MYOM1: variants seen among roughly 807,000 people sequenced by gnomAD.
MYOM1 encodes the protein myomesin 1, also known as myomesin-1.
MYOM1 carries 164 observed loss-of-function variants against 205.3 expected under a neutral mutation model. That is an observed-to-expected ratio of 0.80 (90% confidence interval 0.70 to 0.91). The LOEUF is 0.91. MYOM1 is among the 40% of genes least tolerant of loss of function. The probability of loss-of-function intolerance (pLI) is 0.00; values close to 1 mark genes in which losing one functional copy is unlikely to be tolerated. For synonymous variants in MYOM1, 772 were observed against 789.4 expected, an observed-to-expected ratio of 0.98 and a Z score of 0.37; for missense variants, 2,011 against 2,127.3, an observed-to-expected ratio of 0.95 and a Z score of 1.08.
At chr18:3,177,908 C>T (rs2080671123) in intron 5 of MYOM1, among the ~76,000 whole-genome samples, 2 of 152,118 alleles carry the variant, frequency 1.3e-5, no homozygotes, top group African/African-American at 4.8e-5. Context: ...AGCTGAAAGC[C>T]TCCCTTTTTC....
Position 3,089,451 on chromosome 18 carries a change from T to C in MYOM1, c.4069+86A>G, listed in dbSNP as rs903660694. 3.0e-6 allele frequency: 3 copies of C among 1,016,238 alleles called. No homozygotes were observed. The African/African-American group carries it at 4.9e-5, about 17-fold the overall frequency. The allele number at this position is 1,016,238 out of a possible 1,614,324, so 63.0% of individuals were successfully genotyped here. On this transcript the variant is annotated intron_variant, in intron 28 of 37. Coordinates refer to ENST00000356443, the MANE Select transcript of MYOM1 (RefSeq NM_003803.4). Reference sequence around the variant, plus strand: ...GCATTATTAACATAATCAATAATATTCATTTTAATTTGTTATGGAAATAAC... The same window carrying C: ...GCATTATTAACATAATCAATAATATCCATTTTAATTTGTTATGGAAATAAC...
chr18:3,085,113 C>T lies in MYOM1; in HGVS notation c.4271G>A (p.Gly1424Glu), dbSNP rs752659443. The T allele has an allele frequency of 6.2e-6, 10 of 1,608,052 alleles. No homozygotes were observed. In the East Asian group the frequency reaches 2.0e-4, roughly 32 times the overall value. Residue 1424 changes from glycine to glutamate, a missense_variant, in exon 31 of 38, where the codon GGG (glycine) becomes GAG (glutamate). By Grantham distance (98) the Gly-to-Glu change is moderately conservative. Transcript: ENST00000356443. ...LITEFSKKDA[G>E]IYEVILKDDR... ...ATCTTTCAGGATAACTTCATAAATC[C>T]CAGCATCTTTCTTGGAAAACTAAGG...
At chr18:3,198,994 T>C (rs2081030179) in intron 2 of MYOM1, among the ~76,000 whole-genome samples, 1 of 151,966 alleles carries the variant, frequency 6.6e-6, no homozygotes, top group Non-Finnish European at 1.5e-5. Flanking sequence ...AAATAACCAA[T>C]CAGGGCTCTG....
At chr18:3,068,710 C>T (rs914116925) in intron 37 of MYOM1, among the ~76,000 whole-genome samples, 8 of 152,234 alleles carry the variant, frequency 5.3e-5, no homozygotes, top group Non-Finnish European at 1.2e-4. Context: ...CTGCATGTAT[C>T]GATAGTTTAT....
intron 8 of MYOM1, among the ~76,000 whole-genome samples, chr18:3,172,769 G>A (rs12970229): frequency 0.087 from 13,170 of 152,076 alleles, 698 homozygotes; most frequent in African/African-American, 0.15. Flanking sequence ...CCTCCGCCTC[G>A]CAAAGTGTTG....
chr18:3,212,758 A>G (rs1369481304), intron 2 of MYOM1, among the ~76,000 whole-genome samples: 4 of 152,254 alleles, frequency 2.6e-5, no homozygotes, highest in African/African-American at 7.2e-5. Context: ...GTTCTTAAGC[A>G]TATCTGCAGA....
At chr18:3,221,736 A>G (rs1300354612), upstream of MYOM1, among the ~76,000 whole-genome samples, 1 of 152,224 alleles carries the variant, frequency 6.6e-6, no homozygotes, top group African/African-American at 2.4e-5. Flanking sequence ...TATGTAAAAG[A>G]ATCTGTTCCA....
rs987237332 is a variant in MYOM1, at chr18:3,067,543, T to C, written c.4777A>G (p.Thr1593Ala). The C allele has an allele frequency of 1.2e-6, 2 of 1,612,990 alleles. No individual in the cohort carries two copies. Among genetic ancestry groups the C allele is most frequent in the African/African-American group, 2.7e-5 (2 of 74,860 alleles). Residue 1593 changes from threonine to alanine, a missense_variant, in exon 38 of 38, where the codon ACT becomes GCT. Coordinates refer to ENST00000356443, the MANE Select transcript of MYOM1 (RefSeq NM_003803.4). ...TIQEGKALNL[T>A]CNVWGDPPPE... ...GGCGGGTCTCCCCACACGTTGCAAGTGAGATTAAGGGCCTGCAAGACAGGT... is the reference window on the plus strand; with the variant it reads ...GGCGGGTCTCCCCACACGTTGCAAGCGAGATTAAGGGCCTGCAAGACAGGT...
At chr18:3,124,832 CA>C (rs1433227684) in intron 19 of MYOM1, among the ~76,000 whole-genome samples, 1 of 152,012 alleles carries the variant, frequency 6.6e-6, no homozygotes. Flanking sequence ...CACAAAGGCA[CA>C]AAAATCACTA....
intron 2 of MYOM1, among the ~76,000 whole-genome samples, chr18:3,198,356 CT>C (rs1363313728): frequency 6.6e-6 from 1 of 152,176 alleles, no homozygotes; most frequent in African/African-American, 2.4e-5. Flanking sequence ...CAGGGTTAGG[CT>C]GCATTATTGG....
At chr18:3,131,926 T>G (rs139744167) in intron 16 of MYOM1, among the ~76,000 whole-genome samples, 139 of 151,430 alleles carry the variant, frequency 9.2e-4, no homozygotes, top group African/African-American at 3.2e-3. Flanking sequence ...ATAATTTTCA[T>G]GTAGAGGTTA....
intron 21 of MYOM1, among the ~76,000 whole-genome samples, chr18:3,115,699 C>A (rs2079594628): frequency 6.6e-6 from 1 of 152,180 alleles, no homozygotes; most frequent in Non-Finnish European, 1.5e-5. Flanking sequence ...TCGAAATTTC[C>A]TTTTGCTACA....
chr18:3,079,769 A>G (rs2079063369), intron 33 of MYOM1, among the ~76,000 whole-genome samples: 1 of 152,212 alleles, frequency 6.6e-6, no homozygotes, highest in South Asian at 2.1e-4. Flanking sequence ...GTCCAAAAAC[A>G]CACTTATGGA....
intron 2 of MYOM1, among the ~76,000 whole-genome samples, chr18:3,199,721 T>A (rs570166215): frequency 6.6e-6 from 1 of 152,212 alleles, no homozygotes; most frequent in Admixed American, 6.5e-5. Flanking sequence ...ATGCCTATAG[T>A]CCCAGCTACT....
chr18:3,246,219 G>T, the MYOM1 span: 1 of 152,256 alleles, frequency 6.6e-6, no homozygotes, highest in Non-Finnish European at 1.5e-5. Context: ...CCCTGTGGAG[G>T]TGTCCATGCA....
the MYOM1 span, among the ~76,000 whole-genome samples, chr18:3,232,949 T>C: frequency 6.6e-6 from 1 of 152,248 alleles, no homozygotes; most frequent in Non-Finnish European, 1.5e-5. Flanking sequence ...ATTTGGAGGT[T>C]TGAAATTTTG....
At chr18:3,222,537 A>G (rs1006863124), upstream of MYOM1, among the ~76,000 whole-genome samples, 2 of 152,238 alleles carry the variant, frequency 1.3e-5, no homozygotes, top group African/African-American at 4.8e-5. Context: ...TTTAACAAGG[A>G]TGAAAGTTCA....
chr18:3,183,539 C>G (rs74839741), intron 5 of MYOM1, among the ~76,000 whole-genome samples: 1 of 152,116 alleles, frequency 6.6e-6, no homozygotes, highest in Non-Finnish European at 1.5e-5. Context: ...TTGGAAAGGG[C>G]TCTGCCGGAG....
At chr18:3,224,661 CATTATT>C (rs151301855), upstream of MYOM1, among the ~76,000 whole-genome samples, 14 of 151,870 alleles carry the variant, frequency 9.2e-5, no homozygotes, top group African/African-American at 3.1e-4. Context: ...ATGGAATTAT[CATTATT>C]ATTATTATTA....
Sources: gnomAD v4.1 joint callset for allele counts (sites outside exome capture counted in the v4.1 genomes callset) on GRCh38, gnomAD v4.1.1 for gene constraint, MANE v1.5 for transcripts, NCBI Gene and HGNC (gene_info 2026-07-23, HGNC 2026-07-21) for gene names.